The following PLXNA2 variants were observed in gnomAD, a reference collection of about 807,000 sequenced individuals.
PLXNA2 encodes the protein plexin-A2.
A neutral mutation model predicts 193.5 loss-of-function variants in PLXNA2; 91 were observed. The observed-to-expected ratio is 0.47, with a 90% CI of 0.40 to 0.56. The LOEUF is 0.56. PLXNA2 is among the 20% of genes least tolerant of loss of function. The pLI, the probability that PLXNA2 is intolerant of heterozygous loss-of-function variation, is 0.00. For synonymous variants in PLXNA2, 997 were observed against 1,027.3 expected (o/e 0.97, Z 0.56); for missense variants, 1,995 against 2,503.2 (o/e 0.80, Z 4.33).
At position 208,025,426 on chromosome 1, in the gene PLXNA2, TGGA is replaced by T. The variant is rs1374333763; in HGVS notation, c.*1814_*1816del. ...AAAATGACCCTGGTCTAGTCTCTCT[TGGA>T]GGAGCTGGTCTAGCTTCCCAGCATC... On this transcript the variant is annotated 3_prime_UTR_variant, in exon 32 of 32. Transcript: ENST00000367033. The T allele has an allele frequency of 6.6e-6, 1 of 152,270 alleles. No individual in the cohort carries two copies. Among genetic ancestry groups the T allele is most frequent in the Non-Finnish European group, 1.5e-5 (1 of 68,080 alleles). The allele number at this position is 152,270 out of a possible 1,614,324, so 9.4% of individuals were successfully genotyped here.
intron 3 of PLXNA2, among the ~76,000 whole-genome samples, chr1:208,148,975 G>A (rs2102494228): frequency 6.6e-6 from 1 of 152,344 alleles, no homozygotes; most frequent in South Asian, 2.1e-4. Context: ...TAAGCATTTG[G>A]AGAGGATGAG....
At chr1:208,088,404 A>T (rs764841199) in intron 9 of PLXNA2, among the ~76,000 whole-genome samples, 8 of 152,254 alleles carry the variant, frequency 5.3e-5, no homozygotes, top group Non-Finnish European at 1.2e-4. Flanking sequence ...AGCAGCCAGC[A>T]TCCTGGGAAG....
intron 3 of PLXNA2, among the ~76,000 whole-genome samples, chr1:208,207,723 G>T (rs1201440485): frequency 6.6e-6 from 1 of 152,122 alleles, no homozygotes; most frequent in East Asian, 1.9e-4. Flanking sequence ...TTCTTCATGG[G>T]TTATTTCTCT....
At position 208,031,790 on chromosome 1, in the gene PLXNA2, A is replaced by AG. The variant is rs754187722; in HGVS notation, c.5056-32dup. ...GGAGGGGTGGGGGAGAGTAAGATGG[A>AG]GGGGGGTGACGGCAGGTAGCAGACA... On this transcript the variant is annotated intron_variant, in intron 28 of 31. Transcript: ENST00000367033. 5 of 1,477,572 alleles carry AG rather than the reference A, an allele frequency of 3.4e-6. No individual in the cohort carries two copies. In the East Asian group the frequency reaches 1.2e-4, roughly 34 times the overall value. 91.5% of individuals were successfully genotyped at this position (1,477,572 alleles called of 1,614,324 possible). A position where few individuals can be genotyped will look rare whatever the true frequency, so the allele number is the denominator to read the frequency against.
At chr1:208,090,039 C>T (rs1666659437) in intron 9 of PLXNA2, among the ~76,000 whole-genome samples, 1 of 152,160 alleles carries the variant, frequency 6.6e-6, no homozygotes, top group East Asian at 1.9e-4. Context: ...GAACATGTGG[C>T]CAGCTGTGGT....
At chr1:208,222,386 G>A (rs967194871) in intron 1 of PLXNA2, among the ~76,000 whole-genome samples, 1 of 152,126 alleles carries the variant, frequency 6.6e-6, no homozygotes, top group Admixed American at 6.5e-5. Context: ...CTCAAACCAG[G>A]TATGCTGCTC....
chr1:208,092,079 C>T (rs897985500), intron 9 of PLXNA2, among the ~76,000 whole-genome samples: 9 of 152,174 alleles, frequency 5.9e-5, no homozygotes, highest in African/African-American at 2.2e-4. Context: ...ACTGAGCAAG[C>T]AGGCTTCACT....
rs765239773 is a variant in PLXNA2 at position 208,038,366 on chromosome 1, C to T, written c.4764+5G>A. ...CTGAAGAGGGGAAAAGACACCCCCTCTCACCTGATAATGCATCAGTGTGTT... is the reference window on the plus strand; with the variant it reads ...CTGAAGAGGGGAAAAGACACCCCCTTTCACCTGATAATGCATCAGTGTGTT... On this transcript the variant is annotated splice_donor_5th_base_variant and intron_variant, in intron 26 of 31. Transcript: ENST00000367033. This position sits in a 1 kb window ranked among gnomAD's most constrained non-coding sequence, Gnocchi z 4.1. The T allele has an allele frequency of 1.9e-6, 3 of 1,594,484 alleles. No individual in the cohort carries two copies. Among genetic ancestry groups the T allele is most frequent in the Non-Finnish European group, 2.6e-6 (3 of 1,162,096 alleles).
chr1:208,194,694 C>T (rs142448023), intron 3 of PLXNA2, among the ~76,000 whole-genome samples: 5 of 152,292 alleles, frequency 3.3e-5, no homozygotes, highest in African/African-American at 1.2e-4. Context: ...AAAACCCCGC[C>T]ATGCACTAAT....
rs115402815 is a variant in PLXNA2, at chr1:208,176,513, G to A, written c.1371+33767C>T. 5.3e-3 allele frequency among the ~76,000 whole-genome samples: 802 copies of A among 152,306 alleles called. 5 individuals are homozygous for A. The highest frequency in any genetic ancestry group is 9.0e-3 in the Non-Finnish European group (610 of 68,028). On this transcript the variant is annotated intron_variant, in intron 3 of 31. Coordinates refer to ENST00000367033, the MANE Select transcript of PLXNA2 (RefSeq NM_025179.4). ...GTACAGGTTGGAAAAGCCTGGAGAA[G>A]AATGGAAAATATCAACAAGAAAAAG... is the stretch of plus-strand genomic sequence containing the variant.
At chr1:208,176,472 G>C (rs1669664039) in intron 3 of PLXNA2, among the ~76,000 whole-genome samples, 1 of 152,128 alleles carries the variant, frequency 6.6e-6, no homozygotes. Context: ...TGAATTACAG[G>C]GTCAGAGTTA....
At chr1:208,071,702 CCATTATTCA>C (rs1271178214) in intron 12 of PLXNA2, among the ~76,000 whole-genome samples, 1 of 152,206 alleles carries the variant, frequency 6.6e-6, no homozygotes, top group Non-Finnish European at 1.5e-5. Context: ...CAGAGTAACT[CCATTATTCA>C]TCCTGACACC....
intron 3 of PLXNA2, among the ~76,000 whole-genome samples, chr1:208,178,034 G>T (rs1266426365): frequency 2.0e-5 from 3 of 152,174 alleles, no homozygotes; most frequent in Non-Finnish European, 2.9e-5. Context: ...AACACTCCTG[G>T]TAATAGAAGA....
At chr1:208,066,526 A>G (rs1026322116) in intron 12 of PLXNA2, among the ~76,000 whole-genome samples, 2 of 152,250 alleles carry the variant, frequency 1.3e-5, no homozygotes, top group Non-Finnish European at 2.9e-5. Flanking sequence ...TGTGGCAGTC[A>G]TAAGTCATAG....
At chr1:208,128,366 AAC>A (rs1173329637) in intron 4 of PLXNA2, among the ~76,000 whole-genome samples, 1 of 152,178 alleles carries the variant, frequency 6.6e-6, no homozygotes, top group African/African-American at 2.4e-5. Flanking sequence ...GCAGGGAGAA[AAC>A]ACAGGGCTTA....
At position 208,079,279 on chromosome 1, in the gene PLXNA2, G is replaced by A. The variant is rs748081480; in HGVS notation, c.2567C>T (p.Ser856Phe). The change falls in exon 12 of 32, where the codon TCC becomes TTC. Residue 856 changes from serine to phenylalanine, a missense_variant. By Grantham distance (155) the Ser-to-Phe change is radical. This residue lies in a region of PLXNA2 where 1,291 missense variants were observed against 1,673.6 expected (regional missense o/e 0.77). Transcript: ENST00000367033. ...ACTTACCTCGGTGATTTGAGGGTTG[G>A]AGCACTTGACATTGTGGCTGGACCA... ...LDWSSHNVKC[S>F]NPQITEILTV... 4.3e-6 allele frequency: 7 copies of A among 1,609,776 alleles called. No homozygotes were observed. Among genetic ancestry groups the A allele is most frequent in the Non-Finnish European group, 6.0e-6 (7 of 1,176,354 alleles).
intron 9 of PLXNA2, among the ~76,000 whole-genome samples, chr1:208,089,543 A>G (rs1358738302): frequency 1.3e-5 from 2 of 152,216 alleles, no homozygotes; most frequent in East Asian, 3.8e-4. Flanking sequence ...CTCAATCTTT[A>G]GCCTCATCTG....
rs955150227 is a variant in PLXNA2 at position 208,060,803 on chromosome 1, G to T, written c.2621C>A (p.Thr874Lys). The change falls in exon 13 of 32, where the codon ACG becomes AAG. Residue 874 changes from threonine to lysine, a missense_variant. By Grantham distance (78) the Thr-to-Lys change is moderately conservative. Coordinates refer to ENST00000367033, the MANE Select transcript of PLXNA2 (RefSeq NM_025179.4). Reference protein sequence around the residue: ...LTVSGPPEGGTRVTIHGVNLG... With the variant: ...LTVSGPPEGGKRVTIHGVNLG... ...GTTCACGCCATGGATGGTCACTCGC[G>T]TCCCTCCTTCCGGCGGTCCAGACAC... The T allele has an allele frequency of 6.2e-7, 1 of 1,613,986 alleles. No homozygotes were observed. The highest frequency in any genetic ancestry group is 1.3e-5 in the African/African-American group (1 of 74,918).
chr1:208,118,723 T>C (rs560606588), intron 4 of PLXNA2, among the ~76,000 whole-genome samples: 4 of 152,158 alleles, frequency 2.6e-5, no homozygotes, highest in Non-Finnish European at 5.9e-5. Flanking sequence ...CTGGGGGAGA[T>C]AGAAGAGAGA....
Sources: gnomAD v4.1 joint callset for allele counts (sites outside exome capture counted in the v4.1 genomes callset) on GRCh38, gnomAD v4.1.1 for gene constraint, gnomAD v4.1.1 regional missense constraint, Gnocchi (gnomAD v3.1) non-coding constraint, MANE v1.5 for transcripts, NCBI Gene and HGNC (gene_info 2026-07-23, HGNC 2026-07-21) for gene names.